The following PCDHA13 variants were observed in gnomAD, a reference collection of about 807,000 sequenced individuals.
PCDHA13 encodes protocadherin alpha 13, also known as protocadherin alpha-13.
PCDHA13 carries 54 observed loss-of-function variants against 64.8 expected under a neutral mutation model. The ratio of observed to expected loss-of-function variants is 0.83; its 90% CI spans 0.67 to 1.04. The LOEUF (loss-of-function observed/expected upper bound fraction) is 1.04, where lower values mean the gene tolerates loss of function less well. Among genes scored for constraint, PCDHA13 ranks in the 50% least tolerant of loss-of-function variants. The pLI, the probability that PCDHA13 is intolerant of heterozygous loss-of-function variation, is 0.00. For missense variants in PCDHA13, 1,248 were observed against 1,254.3 expected, an observed-to-expected ratio of 0.99 and a Z score of 0.08; for synonymous variants, 587 against 564.4, an observed-to-expected ratio of 1.04 and a Z score of -0.57.
At chr5:140,970,815 A>G (rs782758365) in intron 1 of PCDHA13, among the ~76,000 whole-genome samples, 2 of 152,114 alleles carry the variant, frequency 1.3e-5, no homozygotes, top group Non-Finnish European at 2.9e-5. Flanking sequence ...TTTCAAGTTC[A>G]TGGTAATCTT....
intron 1 of PCDHA13, among the ~76,000 whole-genome samples, chr5:140,971,436 C>G (rs2153789972): frequency 6.6e-6 from 1 of 152,278 alleles, no homozygotes; most frequent in Non-Finnish European, 1.5e-5. Flanking sequence ...ACCCCAAGAT[C>G]TACAGCTCCA....
intron 1 of PCDHA13, chr5:140,968,944 G>C (rs782732835): frequency 1.2e-6 from 2 of 1,614,152 alleles, no homozygotes; most frequent in Non-Finnish European, 8.5e-7. Context: ...TCATCATTTT[G>C]AGCATCATCA....
intron 1 of PCDHA13, among the ~76,000 whole-genome samples, chr5:140,889,996 A>G (rs1162958741): frequency 5.3e-5 from 8 of 152,152 alleles, no homozygotes; most frequent in African/African-American, 1.9e-4. Flanking sequence ...TAGCTTTCCA[A>G]GCTTAGGTGC....
At chr5:140,922,866 G>GA (rs557650266) in intron 1 of PCDHA13, among the ~76,000 whole-genome samples, 1 of 152,096 alleles carries the variant, frequency 6.6e-6, no homozygotes. Flanking sequence ...TAGACAAGGG[G>GA]AAAAAATCCA....
In PCDHA13 at chr5:140,946,631, T is replaced by TATATATATATATACAC. The variant is rs57893927; in HGVS notation, c.2395-32317_2395-32316insTATATATATATACACA. ...TGTGAAATATATATATATATATATA[T>TATATATATATATACAC]ACAATGGAATACTCATCAGCCATTA... On this transcript the variant is annotated intron_variant, in intron 1 of 3. Coordinates refer to ENST00000289272, the MANE Select transcript of PCDHA13 (RefSeq NM_018904.3). Among the ~76,000 whole-genome samples the TATATATATATATACAC allele has an allele frequency of 4.3e-4, 57 of 131,850 alleles. 1 individual carries two copies. Among genetic ancestry groups the TATATATATATATACAC allele is most frequent in the East Asian group, 1.6e-3 (8 of 4,866 alleles). The allele number at this position is 131,850 out of a possible 152,430, so 86.5% of individuals were successfully genotyped here.
intron 1 of PCDHA13, among the ~76,000 whole-genome samples, chr5:140,923,304 G>A (rs933906504): frequency 6.6e-6 from 1 of 152,172 alleles, no homozygotes; most frequent in African/African-American, 2.4e-5. Context: ...TGGGCGTGGG[G>A]GCGCTTGGCC....
At chr5:140,986,031 G>A (rs1443664535) in intron 3 of PCDHA13, among the ~76,000 whole-genome samples, 5 of 152,198 alleles carry the variant, frequency 3.3e-5, no homozygotes, top group South Asian at 2.1e-4. Flanking sequence ...GAGCCACTGC[G>A]CCTGGCCTCA....
intron 1 of PCDHA13, among the ~76,000 whole-genome samples, chr5:140,907,970 A>G (rs1312755290): frequency 6.6e-6 from 1 of 152,158 alleles, no homozygotes; most frequent in African/African-American, 2.4e-5. Context: ...CAATTTTCCA[A>G]TCATGCTTCT....
intron 1 of PCDHA13, among the ~76,000 whole-genome samples, chr5:140,938,877 A>ACACACACACACACAGATG (rs2092241507): frequency 1.3e-5 from 2 of 150,854 alleles, no homozygotes; most frequent in South Asian, 4.2e-4. Context: ...TTAAGAAGCA[A>ACACACACACACACAGATG]CACACACACA....
chr5:140,901,356 T>C (rs1554189806), intron 1 of PCDHA13, among the ~76,000 whole-genome samples: 1 of 152,232 alleles, frequency 6.6e-6, no homozygotes, highest in Non-Finnish European at 1.5e-5. Context: ...GTCTTAGATT[T>C]AAGTCTTTAA....
intron 1 of PCDHA13, among the ~76,000 whole-genome samples, chr5:140,941,214 C>CCTTTCTTTCTTCCTTTCTTTCTTTCTTT (rs2092876516): frequency 4.1e-5 from 5 of 122,412 alleles, no homozygotes; most frequent in Non-Finnish European, 8.5e-5. Flanking sequence ...TTTCTTTCTT[C>CCTTTCTTTCTTCCTTTCTTTCTTTCTTT]CTTTCTTTCT....
chr5:140,903,273 T>G (rs1213268192), intron 1 of PCDHA13, among the ~76,000 whole-genome samples: 2 of 152,228 alleles, frequency 1.3e-5, no homozygotes, highest in Non-Finnish European at 2.9e-5. Flanking sequence ...AGTGAGGTAG[T>G]GTCTCATTGT....
intron 1 of PCDHA13, among the ~76,000 whole-genome samples, chr5:140,957,554 G>A (rs1291687434): frequency 6.6e-6 from 1 of 152,074 alleles, no homozygotes; most frequent in African/African-American, 2.4e-5. Flanking sequence ...ATTCTCTGTG[G>A]AAAAGGAGGG....
chr5:140,977,712 T>C (rs2153814265), intron 1 of PCDHA13, among the ~76,000 whole-genome samples: 1 of 152,306 alleles, frequency 6.6e-6, no homozygotes, highest in South Asian at 2.1e-4. Context: ...AATATTGAGA[T>C]GGTGATCATT....
chr5:140,885,480 A>G (rs782437070), intron 1 of PCDHA13, among the ~76,000 whole-genome samples: 7 of 152,158 alleles, frequency 4.6e-5, no homozygotes, highest in Non-Finnish European at 7.4e-5. Context: ...ACTTTGTGTC[A>G]AGTGTTCTGT....
intron 1 of PCDHA13, chr5:140,969,237 C>T (rs1278018540): frequency 6.2e-7 from 1 of 1,614,156 alleles, no homozygotes; most frequent in African/African-American, 1.3e-5. Flanking sequence ...GGAGCCCAAG[C>T]AGCAGTGACT....
At chr5:140,944,629 A>G (rs1371756120) in intron 1 of PCDHA13, among the ~76,000 whole-genome samples, 3 of 152,172 alleles carry the variant, frequency 2.0e-5, no homozygotes, top group African/African-American at 7.2e-5. Context: ...ATAGTGTTGT[A>G]AGCCAGTGTG....
intron 1 of PCDHA13, chr5:140,929,452 T>C: frequency 1.5e-6 from 2 of 1,366,592 alleles, no homozygotes; most frequent in Non-Finnish European, 2.0e-6. Context: ...TTCTTAGCAC[T>C]TCCTGTGCCA....
At chr5:140,980,713 C>T (rs1034858406) in intron 2 of PCDHA13, among the ~76,000 whole-genome samples, 2 of 151,366 alleles carry the variant, frequency 1.3e-5, no homozygotes, top group Non-Finnish European at 2.9e-5. Flanking sequence ...TGCTCCTATT[C>T]GGGTTTCAAT....
Sources: gnomAD v4.1 joint callset for allele counts (sites outside exome capture counted in the v4.1 genomes callset) on GRCh38, gnomAD v4.1.1 for gene constraint, MANE v1.5 for transcripts, NCBI Gene and HGNC (gene_info 2026-07-23, HGNC 2026-07-21) for gene names.